Variants in ZFHX3 observed in about 807,000 individuals in gnomAD.
ZFHX3 encodes the protein zinc finger homeobox 3.
Under a neutral mutation model 279.1 loss-of-function variants are expected in ZFHX3, and 42 were observed. The observed-to-expected ratio is 0.15, with a 90% CI of 0.12 to 0.19. The LOEUF (loss-of-function observed/expected upper bound fraction) is 0.19, where lower values mean the gene tolerates loss of function less well. Ranked by LOEUF, ZFHX3 falls within the 10% of genes least tolerant of loss-of-function variation. The probability of loss-of-function intolerance (pLI) is 1.00; values close to 1 mark genes in which losing one functional copy is unlikely to be tolerated. For synonymous variants in ZFHX3, 2,293 were observed against 1,957.8 expected (o/e 1.17, Z -4.52); for missense variants, 4,981 against 4,754.0 (o/e 1.05, Z -1.40).
intron 2 of ZFHX3, among the ~76,000 whole-genome samples, chr16:73,616,821 T>C (rs939384283): frequency 3.3e-5 from 5 of 152,208 alleles, no homozygotes; most frequent in African/African-American, 1.2e-4. Flanking sequence ...TGATTTCACA[T>C]TTCTAACGTA....
At chr16:73,391,636 A>G (rs2017014594) in intron 3 of ZFHX3, among the ~76,000 whole-genome samples, 1 of 152,128 alleles carries the variant, frequency 6.6e-6, no homozygotes, top group South Asian at 2.1e-4. Context: ...ATTAAATAGG[A>G]TGCAGAACAC....
At chr16:73,610,281 T>C (rs764868840) in intron 2 of ZFHX3, among the ~76,000 whole-genome samples, 1 of 152,174 alleles carries the variant, frequency 6.6e-6, no homozygotes, top group South Asian at 2.1e-4. Flanking sequence ...CACTCCAGAA[T>C]GAAAATCTGA....
chr16:73,686,808 A>C (rs1278409052), intron 1 of ZFHX3, among the ~76,000 whole-genome samples: 1 of 151,684 alleles, frequency 6.6e-6, no homozygotes, highest in African/African-American at 2.4e-5. Context: ...CTTATCTAGG[A>C]GAGTTATAAA....
At chr16:73,425,319 C>A (rs897633104) in intron 3 of ZFHX3, among the ~76,000 whole-genome samples, 7 of 152,084 alleles carry the variant, frequency 4.6e-5, no homozygotes, top group African/African-American at 1.7e-4. Context: ...GACAGCTCGG[C>A]CCTTACAGAA....
At chr16:73,271,520 G>A (rs1293887526) in intron 4 of ZFHX3, among the ~76,000 whole-genome samples, 1 of 152,170 alleles carries the variant, frequency 6.6e-6, no homozygotes, top group Non-Finnish European at 1.5e-5. Context: ...AGAGGGAACT[G>A]GATCAGAATC....
In ZFHX3 at chr16:73,416,122, C is replaced by G. The variant is rs868583886; in HGVS notation, c.-1291+39881G>C. ...GGACAACAAGAGCAAGACTCCATCT[C>G]AAAAAAAAAAAAAAAACAAAAAACG... On this transcript the variant is annotated intron_variant, in intron 3 of 17. Transcript: ENST00000641206. 1.5e-4 allele frequency among the ~76,000 whole-genome samples: 11 copies of G among 74,840 alleles called. No individual in the cohort carries two copies. In the Admixed American group the frequency reaches 1.5e-3, roughly 10 times the overall value. 49.1% of individuals were successfully genotyped at this position (74,840 alleles called of 152,430 possible).
intron 1 of ZFHX3, among the ~76,000 whole-genome samples, chr16:73,016,541 T>C (rs1964109334): frequency 6.6e-6 from 1 of 152,184 alleles, no homozygotes; most frequent in Admixed American, 6.5e-5. Flanking sequence ...TTTATGCTAC[T>C]TGACCCATTT....
intron 1 of ZFHX3, among the ~76,000 whole-genome samples, chr16:72,997,419 C>G (rs1233431390): frequency 6.6e-6 from 1 of 152,154 alleles, no homozygotes; most frequent in Non-Finnish European, 1.5e-5. Context: ...AGTAACCACC[C>G]TTGCCCTCAA....
chr16:72,992,830 C>T (rs1275358535), intron 1 of ZFHX3, among the ~76,000 whole-genome samples: 2 of 152,176 alleles, frequency 1.3e-5, no homozygotes, highest in East Asian at 1.9e-4. Context: ...AAAGAGCCTT[C>T]GAGGGGCATC....
intron 1 of ZFHX3, among the ~76,000 whole-genome samples, chr16:73,054,674 G>A (rs1965513901): frequency 6.6e-6 from 1 of 151,966 alleles, no homozygotes. Flanking sequence ...AATCACAGAG[G>A]GAGAAAGAAC....
At chr16:73,625,227 A>G (rs947869877) in intron 2 of ZFHX3, among the ~76,000 whole-genome samples, 1 of 152,224 alleles carries the variant, frequency 6.6e-6, no homozygotes, top group Non-Finnish European at 1.5e-5. Flanking sequence ...AAAGTCTGCT[A>G]AATTTTTAGA....
chr16:73,452,573 T>C (rs1339814131), intron 3 of ZFHX3, among the ~76,000 whole-genome samples: 1 of 152,152 alleles, frequency 6.6e-6, no homozygotes, highest in African/African-American at 2.4e-5. Flanking sequence ...AAGAATCTCT[T>C]CTCAATTAAT....
chr16:73,734,472 G>C (rs2053593320), intron 1 of ZFHX3, among the ~76,000 whole-genome samples: 1 of 152,062 alleles, frequency 6.6e-6, no homozygotes, highest in Non-Finnish European at 1.5e-5. Context: ...ATCACAAAGA[G>C]TTTCCCTGAA....
At chr16:73,269,701 T>C (rs910524427) in intron 4 of ZFHX3, among the ~76,000 whole-genome samples, 7 of 152,150 alleles carry the variant, frequency 4.6e-5, no homozygotes, top group Non-Finnish European at 8.8e-5. Context: ...TCCTTCATCA[T>C]ATATTTAACT....
intron 2 of ZFHX3, among the ~76,000 whole-genome samples, chr16:73,512,442 G>A (rs1196950261): frequency 9.0e-5 from 10 of 111,312 alleles, no homozygotes; most frequent in East Asian, 3.2e-4. Context: ...GCGAGACTCC[G>A]TCTCAAAAGA....
At chr16:73,774,308 CA>C (rs2054052630) in intron 1 of ZFHX3, among the ~76,000 whole-genome samples, 1 of 152,020 alleles carries the variant, frequency 6.6e-6, no homozygotes, top group Non-Finnish European at 1.5e-5. Flanking sequence ...TGTATAAGCT[CA>C]TTAGGTAGTT....
intron 3 of ZFHX3, among the ~76,000 whole-genome samples, chr16:72,929,500 C>T (rs918495586): frequency 2.6e-5 from 4 of 152,100 alleles, no homozygotes; most frequent in Admixed American, 1.3e-4. Flanking sequence ...TACATGAGAA[C>T]GATATGTCTA....
chr16:73,053,270 G>C (rs985592830), intron 1 of ZFHX3, among the ~76,000 whole-genome samples: 1 of 152,042 alleles, frequency 6.6e-6, no homozygotes, highest in Non-Finnish European at 1.5e-5. Flanking sequence ...AGTGACACCA[G>C]AACGGCCTTT....
intron 2 of ZFHX3, among the ~76,000 whole-genome samples, chr16:73,617,025 C>A (rs2052311331): frequency 6.6e-6 from 1 of 152,172 alleles, no homozygotes; most frequent in Non-Finnish European, 1.5e-5. Context: ...CGGCCATTTT[C>A]TGTGTCAACT....
Sources: allele counts gnomAD v4.1 joint callset (sites outside exome capture counted in the v4.1 genomes callset), GRCh38; gene constraint gnomAD v4.1.1; transcripts MANE v1.5; gene names NCBI Gene and HGNC (gene_info 2026-07-23, HGNC 2026-07-21).